SPIRE1: variants seen among roughly 807,000 people sequenced by gnomAD.
SPIRE1 encodes protein spire homolog 1.
In SPIRE1, 40 loss-of-function variants were observed where a neutral mutation model predicts 94.1. The observed-to-expected ratio is 0.43, with a 90% CI of 0.33 to 0.55. The LOEUF (loss-of-function observed/expected upper bound fraction) is 0.55, where lower values mean the gene tolerates loss of function less well. SPIRE1 is among the 20% of genes least tolerant of loss of function. The probability of loss-of-function intolerance (pLI) is 0.06; values close to 1 mark genes in which losing one functional copy is unlikely to be tolerated. For synonymous variants in SPIRE1, 376 were observed against 371.7 expected (o/e 1.01, Z -0.13); for missense variants, 838 against 975.2 (o/e 0.86, Z 1.87).
intron 2 of SPIRE1, among the ~76,000 whole-genome samples, chr18:12,594,120 T>C (rs1045786030): frequency 1.3e-5 from 2 of 152,154 alleles, no homozygotes; most frequent in Non-Finnish European, 2.9e-5. Flanking sequence ...TTAACAAATG[T>C]GTATTAGCTA....
At position 12,464,910 on chromosome 18, in the gene SPIRE1, AAG is replaced by A; in HGVS notation, c.1451_1452del (p.Ser484PhefsTer3). ...GCCTCCAGGACTGGCTCTTCAGGGA[AAG>A]AGGGAGACACGCTGCTGCTGCTGGT... ...KSTSSSSVSP[S>X]FPEEPVLEAV... On this transcript the variant is annotated frameshift_variant, in exon 11 of 17. Transcript: ENST00000409402. LOFTEE classifies it high-confidence loss of function. 6.2e-7 allele frequency: 1 copy of A among 1,614,084 alleles called. No homozygotes were observed. Among genetic ancestry groups the A allele is most frequent in the Non-Finnish European group, 8.5e-7 (1 of 1,179,998 alleles).
rs764051212 is a variant in SPIRE1, at chr18:12,449,591, G to A, written c.*47C>T. On this transcript the variant is annotated 3_prime_UTR_variant, in exon 17 of 17. Coordinates refer to ENST00000409402, the MANE Select transcript of SPIRE1 (RefSeq NM_001128626.2). The stretch of plus-strand genomic sequence containing the variant: ...AGCCAGCCCGGCTCAGTGTCCTCGC[G>A]CACGGACGCTGACTCGTAGCACAAA... 22 of 1,585,166 alleles carry A rather than the reference G, an allele frequency of 1.4e-5. No homozygotes were observed. In the East Asian group the frequency reaches 1.6e-4, roughly 11 times the overall value.
intron 2 of SPIRE1, among the ~76,000 whole-genome samples, chr18:12,588,118 A>G (rs570239266): frequency 1.3e-5 from 2 of 152,300 alleles, no homozygotes; most frequent in African/African-American, 4.8e-5. Context: ...GGCTTCTACA[A>G]CTTAGCATGT....
chr18:12,582,790 A>G (rs989622425), intron 2 of SPIRE1, among the ~76,000 whole-genome samples: 2 of 152,152 alleles, frequency 1.3e-5, no homozygotes, highest in African/African-American at 4.8e-5. Flanking sequence ...CCATCCCTTC[A>G]TTCGTTCAAT....
chr18:12,636,810 T>C (rs1158926357), intron 1 of SPIRE1, among the ~76,000 whole-genome samples: 2 of 152,366 alleles, frequency 1.3e-5, no homozygotes, highest in Non-Finnish European at 1.5e-5. Flanking sequence ...ATTTATAACA[T>C]ACATTTTATT....
At position 12,471,953 on chromosome 18, in the gene SPIRE1, T is replaced by C. The variant is rs547863605; in HGVS notation, c.1405-6995A>G. ...GTGTGCACCACCACACCGGGCTAAT[T>C]TTTCTCTTTTTAGTAGAGATGGGGT... is the stretch of plus-strand genomic sequence containing the variant. On this transcript the variant is annotated intron_variant, in intron 10 of 16. Transcript: ENST00000409402. Among the ~76,000 whole-genome samples the C allele has an allele frequency of 2.0e-5, 3 of 152,062 alleles. No individual in the cohort carries two copies. In the South Asian group the frequency reaches 6.2e-4, roughly 32 times the overall value.
chr18:12,551,203 T>C (rs758985409), intron 2 of SPIRE1, among the ~76,000 whole-genome samples: 1 of 152,184 alleles, frequency 6.6e-6, no homozygotes, highest in African/African-American at 2.4e-5. Context: ...CTTTGGATCT[T>C]GTCTATTTTG....
chr18:12,449,990 CA>C, intron 16 of SPIRE1, 94 bp from the exon 17 acceptor site: 10 of 1,293,748 alleles, frequency 7.7e-6, no homozygotes, highest in Non-Finnish European at 9.5e-6. Flanking sequence ...AATTTGTTGT[CA>C]AAACATCATG....
At chr18:12,568,250 C>A (rs2035867619) in intron 2 of SPIRE1, among the ~76,000 whole-genome samples, 1 of 152,238 alleles carries the variant, frequency 6.6e-6, no homozygotes, top group South Asian at 2.1e-4. Flanking sequence ...CAAATCCACT[C>A]TTACATGCCA....
chr18:12,536,985 GT>G (rs2144212597), intron 3 of SPIRE1, among the ~76,000 whole-genome samples: 1 of 152,236 alleles, frequency 6.6e-6, no homozygotes, highest in South Asian at 2.1e-4. Flanking sequence ...CATCTTTGTA[GT>G]TTGTAATAGC....
chr18:12,513,044 C>CA (rs2034086467), intron 4 of SPIRE1, among the ~76,000 whole-genome samples: 1 of 152,046 alleles, frequency 6.6e-6, no homozygotes, highest in Non-Finnish European at 1.5e-5. Context: ...TTTATAGCAC[C>CA]ATTATACCTC....
At chr18:12,564,579 A>G (rs1270866283) in intron 2 of SPIRE1, among the ~76,000 whole-genome samples, 1 of 152,220 alleles carries the variant, frequency 6.6e-6, no homozygotes, top group Non-Finnish European at 1.5e-5. Flanking sequence ...TCCTGGATCC[A>G]TACAGATGAG....
chr18:12,554,944 G>T (rs959283442), intron 2 of SPIRE1, among the ~76,000 whole-genome samples: 5 of 152,014 alleles, frequency 3.3e-5, no homozygotes, highest in Non-Finnish European at 7.4e-5. Flanking sequence ...GAGTATGAAG[G>T]AGCTGAAACT....
chr18:12,570,593 T>A (rs2035937491), intron 2 of SPIRE1, among the ~76,000 whole-genome samples: 1 of 152,222 alleles, frequency 6.6e-6, no homozygotes, highest in South Asian at 2.1e-4. Context: ...ATTACGATGA[T>A]CCTGGGAAGC....
At chr18:12,634,111 G>A (rs2037854997) in intron 2 of SPIRE1, among the ~76,000 whole-genome samples, 1 of 151,914 alleles carries the variant, frequency 6.6e-6, no homozygotes, top group African/African-American at 2.4e-5. Flanking sequence ...AGCTGGGCGC[G>A]GTGGCGGGCG....
intron 1 of SPIRE1, among the ~76,000 whole-genome samples, chr18:12,655,108 T>G (rs1307925443): frequency 6.6e-6 from 1 of 151,240 alleles, no homozygotes; most frequent in Non-Finnish European, 1.5e-5. Flanking sequence ...ACCCCAGCAC[T>G]TTAGCAGGCC....
chr18:12,653,974 A>C (rs9964146), intron 1 of SPIRE1, among the ~76,000 whole-genome samples: 3,111 of 151,906 alleles, frequency 0.02, 120 homozygotes, highest in African/African-American at 0.071. Context: ...AAAGAAACAG[A>C]AATCAATGGA....
chr18:12,548,433 C>T (rs1430546825), intron 2 of SPIRE1, among the ~76,000 whole-genome samples: 1 of 152,092 alleles, frequency 6.6e-6, no homozygotes, highest in Non-Finnish European at 1.5e-5. Context: ...ATCTACTTTA[C>T]CAATGAAATA....
chr18:12,653,008 T>G (rs1231147082), intron 1 of SPIRE1: 1 of 152,198 alleles, frequency 6.6e-6, no homozygotes, highest in Non-Finnish European at 1.5e-5. Flanking sequence ...CACTTGAGGA[T>G]TACAGCCAGA....
Sources: gnomAD v4.1 joint callset for allele counts (sites outside exome capture counted in the v4.1 genomes callset) on GRCh38, gnomAD v4.1.1 for gene constraint, MANE v1.5 for transcripts, NCBI Gene and HGNC (gene_info 2026-07-23, HGNC 2026-07-21) for gene names.